Variants in ACSL1 observed in about 807,000 individuals in gnomAD.
ACSL1 encodes long-chain-fatty-acid--CoA ligase 1.
ACSL1 carries 41 observed loss-of-function variants against 98.4 expected under a neutral mutation model. That is an observed-to-expected ratio of 0.42 (90% CI 0.32 to 0.54). The LOEUF (loss-of-function observed/expected upper bound fraction) is 0.54. ACSL1 is among the 20% of genes least tolerant of loss of function. The pLI, the probability that ACSL1 is intolerant of heterozygous loss-of-function variation, is 0.13. For synonymous variants in ACSL1, 316 were observed against 322.7 expected, an observed-to-expected ratio of 0.98 and a Z score of 0.22; for missense variants, 734 against 883.1, an observed-to-expected ratio of 0.83 and a Z score of 2.14.
rs183031207 is a variant in ACSL1 at position 184,768,299 on chromosome 4, C to G, written c.1128+17G>C. On this transcript the variant is annotated intron_variant, in intron 12 of 20. Coordinates refer to ENST00000281455, the MANE Select transcript of ACSL1 (RefSeq NM_001995.5). ...AAGTCAGTGCTCAGTCCTGGGACTT[C>G]GCTGCTTGGAACTTACTCGGTCAAA... 3 of 1,608,026 alleles carry G rather than the reference C, an allele frequency of 1.9e-6. No homozygotes were observed. The highest frequency in any genetic ancestry group is 2.7e-5 in the African/African-American group (2 of 74,578).
rs571250955 is a variant in ACSL1, at chr4:184,766,073, C to T, written c.1264-87G>A. 77 of 1,292,170 alleles carry T rather than the reference C, an allele frequency of 6.0e-5. No homozygotes were observed. Among genetic ancestry groups the T allele is most frequent in the Non-Finnish European group, 7.6e-5 (69 of 908,624 alleles). The allele number at this position is 1,292,170 out of a possible 1,614,324, so 80.0% of individuals were successfully genotyped here. The stretch of plus-strand genomic sequence containing the variant: ...CGCCAAGGGGGCCTGCTTGGGACCC[C>T]GTTCCCTAACCCATAGCTGCAGACC... On this transcript the variant is annotated intron_variant, in intron 13 of 20. Coordinates refer to ENST00000281455, the MANE Select transcript of ACSL1 (RefSeq NM_001995.5). This position sits in a 1 kb window ranked among gnomAD's most constrained non-coding sequence, Gnocchi z 4.8.
chr4:184,757,760 T>C lies in ACSL1; in HGVS notation c.1885-54A>G. On this transcript the variant is annotated intron_variant, in intron 19 of 20. Transcript: ENST00000281455. The surrounding 1 kb of genome is among the most constrained non-coding windows in gnomAD (Gnocchi z 4.5). ...CCTCTGTTAGAGGTCCCTGAATATCTACAGGTACATTTAATGCCAAGTTAT... is the reference window on the plus strand; with the variant it reads ...CCTCTGTTAGAGGTCCCTGAATATCCACAGGTACATTTAATGCCAAGTTAT... The C allele has an allele frequency of 6.2e-7, 1 of 1,610,584 alleles. No individual in the cohort carries two copies. The highest frequency in any genetic ancestry group is 1.1e-5 in the South Asian group (1 of 90,998).
intron 3 of ACSL1, among the ~76,000 whole-genome samples, chr4:184,788,157 T>C (rs1767724431): frequency 6.6e-6 from 1 of 152,190 alleles, no homozygotes; most frequent in South Asian, 2.1e-4. Context: ...TCACAGGGTT[T>C]CTTACACTAC....
At chr4:184,770,004 A>T (rs1473885391) in intron 11 of ACSL1, among the ~76,000 whole-genome samples, 1 of 152,190 alleles carries the variant, frequency 6.6e-6, no homozygotes, top group Non-Finnish European at 1.5e-5. Flanking sequence ...CACAGAACGG[A>T]AGCCTCGCTG....
chr4:184,803,526 G>GC lies in ACSL1; in HGVS notation c.-13_-12insG, dbSNP rs1770900426. On this transcript the variant is annotated 5_prime_UTR_variant, in exon 2 of 21. In the 5' UTR this introduces an upstream ATG that the reference lacks. Coordinates refer to ENST00000281455, the MANE Select transcript of ACSL1 (RefSeq NM_001995.5). The surrounding 1 kb of genome is among the most constrained non-coding windows in gnomAD (Gnocchi z 4.8). The stretch of plus-strand genomic sequence containing the variant: ...TCATGGGCTTGCATTGTCCTGTGTT[G>GC]ATAGTTCTCTAAGCTGAATTCTGTT... The GC allele has an allele frequency of 6.6e-7, 1 of 1,506,716 alleles. No individual in the cohort carries two copies. The highest frequency in any genetic ancestry group is 8.9e-7 in the Non-Finnish European group (1 of 1,121,942). The allele number at this position is 1,506,716 out of a possible 1,614,324, so 93.3% of individuals were successfully genotyped here. A position where few individuals can be genotyped will look rare whatever the true frequency, so the allele number is the denominator to read the frequency against.
intron 1 of ACSL1, among the ~76,000 whole-genome samples, chr4:184,824,039 A>G (rs1270368902): frequency 1.3e-5 from 2 of 152,238 alleles, no homozygotes; most frequent in Non-Finnish European, 2.9e-5. Flanking sequence ...GCTGCCTGCG[A>G]TAACAATAAA....
chr4:184,771,630 T>C (rs1340082824), intron 10 of ACSL1, among the ~76,000 whole-genome samples: 1 of 152,170 alleles, frequency 6.6e-6, no homozygotes, highest in Admixed American at 6.5e-5. Context: ...GTATAGAATA[T>C]TCATGTTATT....
intron 1 of ACSL1, among the ~76,000 whole-genome samples, chr4:184,811,184 C>T (rs947187840): frequency 6.6e-6 from 1 of 151,836 alleles, no homozygotes; most frequent in African/African-American, 2.4e-5. Context: ...TCTCGGCTCA[C>T]TGCAAGCTCC....
chr4:184,779,341 A>G (rs1328906494), intron 5 of ACSL1, among the ~76,000 whole-genome samples: 1 of 152,154 alleles, frequency 6.6e-6, no homozygotes, highest in Admixed American at 6.5e-5. Context: ...TCTTGCCGCC[A>G]CCATGTAAGA....
intron 2 of ACSL1, among the ~76,000 whole-genome samples, chr4:184,799,255 T>C (rs1770031298): frequency 6.6e-6 from 1 of 151,946 alleles, no homozygotes; most frequent in Non-Finnish European, 1.5e-5. Context: ...TAGCTGGGAT[T>C]ACAGGCACAC....
chr4:184,786,160 T>C (rs1279256839), intron 3 of ACSL1, among the ~76,000 whole-genome samples: 1 of 152,226 alleles, frequency 6.6e-6, no homozygotes, highest in Non-Finnish European at 1.5e-5. Context: ...AAATATCTTA[T>C]TTTTATCAAT....
At chr4:184,794,395 C>T (rs1014790099) in intron 2 of ACSL1, among the ~76,000 whole-genome samples, 3 of 152,178 alleles carry the variant, frequency 2.0e-5, no homozygotes, top group Non-Finnish European at 4.4e-5. Flanking sequence ...AGATTCCCCC[C>T]AATACAGTGA....
chr4:184,764,180 C>A (rs1763245371), intron 15 of ACSL1, among the ~76,000 whole-genome samples: 1 of 152,192 alleles, frequency 6.6e-6, no homozygotes, highest in Non-Finnish European at 1.5e-5. Context: ...GGGTTGAAAT[C>A]CTGGCTCCAA....
At chr4:184,760,306 AG>A (rs771957783) in intron 18 of ACSL1, 50 bp downstream of exon 18, 73 of 1,597,512 alleles carry the variant, frequency 4.6e-5, no homozygotes, top group Admixed American at 3.1e-4. Context: ...CTGGAGTACC[AG>A]GCAATGGCAA....
chr4:184,826,112 C>CCCGCCCGCGGCCCCG (rs1462604436), upstream of ACSL1: 4 of 141,340 alleles, frequency 2.8e-5, no homozygotes, highest in Admixed American at 2.8e-4. Flanking sequence ...CGCGGCCCCG[C>CCCGCCCGCGGCCCCG]CCCGCCCGCA....
At chr4:184,787,170 T>C (rs1024201895) in intron 3 of ACSL1, among the ~76,000 whole-genome samples, 3 of 152,178 alleles carry the variant, frequency 2.0e-5, no homozygotes, top group African/African-American at 7.2e-5. Flanking sequence ...TTTAGACAAG[T>C]ACCTGGTATA....
chr4:184,820,690 C>A (rs531602556), intron 1 of ACSL1, among the ~76,000 whole-genome samples: 1 of 152,102 alleles, frequency 6.6e-6, no homozygotes, highest in Non-Finnish European at 1.5e-5. Context: ...CTGCAGCCTC[C>A]GCCTCCTGGG....
chr4:184,765,981 G>A lies in ACSL1; in HGVS notation c.1269C>T (p.Ser423=), dbSNP rs147642721. The part of the protein sequence containing the change: ...DRLIFHKVQS[S]LGGRVRLMVT... Reference sequence around the variant, plus strand: ...CCATCAGCCGGACTCTTCCGCCCAGGCTCGACTTTCAGGGAGGGAGAGTGG... The same window carrying A: ...CCATCAGCCGGACTCTTCCGCCCAGACTCGACTTTCAGGGAGGGAGAGTGG... The change falls in exon 14 of 21, where the codon AGC becomes AGT. Residue 423 remains serine (S), a synonymous_variant. Transcript: ENST00000281455. 7 of 1,613,586 alleles carry A rather than the reference G, an allele frequency of 4.3e-6. No individual in the cohort carries two copies. The African/African-American group carries it at 9.3e-5, about 22-fold the overall frequency.
chr4:184,811,795 G>T lies in ACSL1; in HGVS notation c.-32-8249C>A, dbSNP rs182117392. ...ACTGTGTAACTGTATACTTAAAAAT[G>T]ATTAGCATGACAAATTTTATGTTAT... is the stretch of plus-strand genomic sequence containing the variant. On this transcript the variant is annotated intron_variant, in intron 1 of 20. Transcript: ENST00000281455. Among the ~76,000 whole-genome samples the T allele has an allele frequency of 3.7e-4, 57 of 152,248 alleles. 1 individual carries two copies. The highest frequency in any genetic ancestry group is 5.6e-4 in the Non-Finnish European group (38 of 68,016).
Sources: allele counts gnomAD v4.1 joint callset (sites outside exome capture counted in the v4.1 genomes callset), GRCh38; gene constraint gnomAD v4.1.1; non-coding constraint Gnocchi (gnomAD v3.1); transcripts MANE v1.5; gene names NCBI Gene and HGNC (gene_info 2026-07-23, HGNC 2026-07-21).